CDC42BPB: variants seen among roughly 807,000 people sequenced by gnomAD.
CDC42BPB encodes the protein CDC42 binding protein kinase beta, also known as serine/threonine-protein kinase MRCK beta.
In CDC42BPB, 37 loss-of-function variants were observed where a neutral mutation model predicts 214.9. The observed-to-expected ratio is 0.17, with a 90% CI of 0.13 to 0.23. The LOEUF is 0.23. Ranked by LOEUF, CDC42BPB falls within the 10% of genes least tolerant of loss-of-function variation. The pLI is 1.00. For synonymous variants in CDC42BPB, 931 were observed against 884.0 expected (o/e 1.05, Z -0.94); for missense variants, 1,694 against 2,227.0 (o/e 0.76, Z 4.82).
intron 1 of CDC42BPB, among the ~76,000 whole-genome samples, chr14:103,040,463 T>G (rs929429970): frequency 6.6e-5 from 10 of 152,026 alleles, no homozygotes; most frequent in Non-Finnish European, 5.9e-5. Context: ...AAATTTAAAT[T>G]TATTTATTTA....
chr14:102,983,610 C>A lies in CDC42BPB; in HGVS notation c.837G>T (p.Thr279=). The A allele has an allele frequency of 6.2e-7, 1 of 1,612,678 alleles. No homozygotes were observed. The highest frequency in any genetic ancestry group is 8.5e-7 in the Non-Finnish European group (1 of 1,180,006). ...VCMYEMLYGE[T]PFYAESLVET... is the part of the protein sequence containing the mutation. ...CCACGAGTGACTCCGCATAAAACGG[C>A]GTTTCTCCATAGAGCATCTCATACA... The change falls in exon 7 of 37, where the codon ACG becomes ACT. Residue 279 remains threonine, a synonymous_variant. Coordinates refer to ENST00000361246, the MANE Select transcript of CDC42BPB (RefSeq NM_006035.4).
chr14:102,956,044 G>A (rs1230037806), intron 21 of CDC42BPB, among the ~76,000 whole-genome samples: 3 of 152,088 alleles, frequency 2.0e-5, no homozygotes, highest in African/African-American at 7.2e-5. Flanking sequence ...CCATAAACAA[G>A]GTATGTTAAG....
intron 7 of CDC42BPB, chr14:102,981,266 A>G (rs1893984049): frequency 1.2e-6 from 1 of 854,048 alleles, no homozygotes; most frequent in South Asian, 5.3e-5. Context: ...CATTTTACCT[A>G]TGGAAGTGGC....
intron 28 of CDC42BPB, 34 bp from the exon 29 acceptor site, chr14:102,945,758 T>C (rs1443605901): frequency 6.3e-7 from 1 of 1,598,448 alleles, no homozygotes; most frequent in East Asian, 2.2e-5. Context: ...ACAAAGTCAG[T>C]ACAGCCGACC....
At chr14:102,999,808 C>T (rs1252617489) in intron 4 of CDC42BPB, 95 bp from the exon 5 acceptor site, 3 of 1,540,868 alleles carry the variant, frequency 1.9e-6, no homozygotes, top group Non-Finnish European at 1.8e-6. Flanking sequence ...GGTTCTCAGG[C>T]TCCAGGTCTG....
chr14:103,032,459 G>C (rs1887435412), intron 1 of CDC42BPB, among the ~76,000 whole-genome samples: 1 of 147,184 alleles, frequency 6.8e-6, no homozygotes, highest in Non-Finnish European at 1.5e-5. Flanking sequence ...AATTTGTCCA[G>C]CTAGGAAAAC....
At chr14:102,958,990 T>TTACAG (rs34934742) in intron 21 of CDC42BPB, among the ~76,000 whole-genome samples, 1 of 150,848 alleles carries the variant, frequency 6.6e-6, no homozygotes, top group Non-Finnish European at 1.5e-5. Flanking sequence ...AGAATTTGTA[T>TTACAG]TATTTTCTTG....
At chr14:102,962,214 T>C (rs903050983) in intron 20 of CDC42BPB, among the ~76,000 whole-genome samples, 6 of 152,220 alleles carry the variant, frequency 3.9e-5, no homozygotes, top group Non-Finnish European at 7.3e-5. Context: ...GGGAGGAACG[T>C]CACTGCACAG....
rs1222116196 is a variant in CDC42BPB at position 102,946,452 on chromosome 14, A to C, written c.3748+16T>G. The C allele has an allele frequency of 1.2e-6, 2 of 1,612,130 alleles. No homozygotes were observed. The highest frequency in any genetic ancestry group is 1.7e-6 in the Non-Finnish European group (2 of 1,179,884). On this transcript the variant is annotated intron_variant, in intron 28 of 36. Coordinates refer to ENST00000361246, the MANE Select transcript of CDC42BPB (RefSeq NM_006035.4). ...GTTGCTTCAGACACCTGAAGGACAC[A>C]ACCTTTGGGACGTACCCACGATGGC... is the stretch of plus-strand genomic sequence containing the variant.
chr14:102,957,758 G>A (rs553389079), intron 21 of CDC42BPB, among the ~76,000 whole-genome samples: 1 of 152,306 alleles, frequency 6.6e-6, no homozygotes, highest in South Asian at 2.1e-4. Context: ...TCCACCCCAA[G>A]GGAGGCTGCT....
chr14:102,935,965 A>G (rs757380842), intron 36 of CDC42BPB, among the ~76,000 whole-genome samples: 19 of 152,196 alleles, frequency 1.2e-4, no homozygotes, highest in Non-Finnish European at 2.1e-4. Flanking sequence ...ACATTTCTCT[A>G]AAGAAGGTAC....
At position 102,946,509 on chromosome 14, in the gene CDC42BPB, G is replaced by C; in HGVS notation, c.3707C>G (p.Ser1236Trp). 1 of 1,612,780 alleles carries C rather than the reference G, an allele frequency of 6.2e-7. No homozygotes were observed. The part of the protein sequence containing the change: ...VHVPLEAYDS[S>W]LPLIKAILTA... The stretch of plus-strand genomic sequence containing the variant: ...CAGGATGGCCTTGATGAGAGGCAGC[G>C]AGCTGTCGTAGGCTTCCAAGGGAAC... The change falls in exon 28 of 37, where the codon TCG becomes TGG. Residue 1236 changes from serine (S) to tryptophan (W), a missense_variant. Coordinates refer to ENST00000361246, the MANE Select transcript of CDC42BPB (RefSeq NM_006035.4).
chr14:102,982,643 C>A (rs1894055441), intron 7 of CDC42BPB, among the ~76,000 whole-genome samples: 1 of 152,154 alleles, frequency 6.6e-6, no homozygotes, highest in South Asian at 2.1e-4. Flanking sequence ...TTGTGGCAGG[C>A]ACCTATAATC....
intron 5 of CDC42BPB, among the ~76,000 whole-genome samples, chr14:102,988,820 T>C (rs1403576798): frequency 7.1e-6 from 1 of 141,320 alleles, no homozygotes; most frequent in African/African-American, 2.6e-5. Context: ...TGAACCTATA[T>C]GAATGAAAAA....
intron 8 of CDC42BPB, among the ~76,000 whole-genome samples, chr14:102,980,033 G>A (rs1893928944): frequency 1.3e-5 from 2 of 152,194 alleles, no homozygotes; most frequent in Non-Finnish European, 2.9e-5. Flanking sequence ...AAGATTTAAC[G>A]TGCTCTCACA....
chr14:103,032,914 G>C (rs1207792741), intron 1 of CDC42BPB, among the ~76,000 whole-genome samples: 1 of 148,544 alleles, frequency 6.7e-6, no homozygotes, highest in Admixed American at 6.7e-5. Context: ...ACCGTGCCCG[G>C]CCACAAATCC....
rs574324628 is a variant in CDC42BPB, at chr14:102,932,473, C to T, written c.*1239G>A. 1.3e-5 allele frequency: 2 copies of T among 152,474 alleles called. No homozygotes were observed. The highest frequency in any genetic ancestry group is 4.1e-4 in the South Asian group (2 of 4,826). 9.4% of individuals were successfully genotyped at this position (152,474 alleles called of 1,614,324 possible). A position where few individuals can be genotyped will look rare whatever the true frequency, so the allele number is the denominator to read the frequency against. On this transcript the variant is annotated 3_prime_UTR_variant, in exon 37 of 37. Coordinates refer to ENST00000361246, the MANE Select transcript of CDC42BPB (RefSeq NM_006035.4). ...AATTAATTACAAAGACTGAGACTTA[C>T]ATTAAAAAAGTAAAAACCAGAACCC... is the stretch of plus-strand genomic sequence containing the variant.
intron 1 of CDC42BPB, among the ~76,000 whole-genome samples, chr14:103,016,149 C>T: frequency 6.6e-6 from 1 of 152,256 alleles, no homozygotes; most frequent in East Asian, 1.9e-4. Flanking sequence ...GGCTGGGTCC[C>T]CAGTGACTGG....
Position 103,053,677 on chromosome 14 carries a change from A to G in CDC42BPB, c.175+3322T>C, listed in dbSNP as rs556254881. Among the ~76,000 whole-genome samples, 69 of 146,674 alleles carry G rather than the reference A, an allele frequency of 4.7e-4. 1 individual carries two copies. The East Asian group carries it at 5.0e-3, about 11-fold the overall frequency. ...CTCAGGAGGCTGAGGCAGGAGAACA[A>G]CGTGAACCCGGGAGGCAGAGCTTGC... On this transcript the variant is annotated intron_variant, in intron 1 of 36. Transcript: ENST00000361246.
Sources: gnomAD v4.1 joint callset for allele counts (sites outside exome capture counted in the v4.1 genomes callset) on GRCh38, gnomAD v4.1.1 for gene constraint, MANE v1.5 for transcripts, NCBI Gene and HGNC (gene_info 2026-07-23, HGNC 2026-07-21) for gene names.